Variants in ERBB4 observed in about 807,000 individuals in gnomAD.
The protein encoded by ERBB4 is receptor tyrosine-protein kinase erbB-4.
ERBB4 carries 42 observed loss-of-function variants against 158.0 expected under a neutral mutation model. The ratio of observed to expected loss-of-function variants is 0.27; its 90% CI spans 0.21 to 0.34. The LOEUF (loss-of-function observed/expected upper bound fraction) is 0.34. Among genes scored for constraint, ERBB4 ranks in the 10% least tolerant of loss-of-function variants. The pLI, the probability that ERBB4 is intolerant of heterozygous loss-of-function variation, is 1.00. For synonymous variants in ERBB4, 583 were observed against 558.7 expected, an observed-to-expected ratio of 1.04 and a Z score of -0.61; for missense variants, 1,333 against 1,624.1, an observed-to-expected ratio of 0.82 and a Z score of 3.08.
intron 2 of ERBB4, among the ~76,000 whole-genome samples, chr2:212,120,002 T>G (rs140946609): frequency 2.6e-5 from 4 of 152,302 alleles, no homozygotes; most frequent in Non-Finnish European, 4.4e-5. Flanking sequence ...ACAATCTTTT[T>G]CTAGTTTAAG....
chr2:211,646,324 A>C (rs2105869020), intron 16 of ERBB4, among the ~76,000 whole-genome samples: 1 of 151,666 alleles, frequency 6.6e-6, no homozygotes, highest in Admixed American at 6.6e-5. Flanking sequence ...AAAAACAGAA[A>C]GAGGGAAAAA....
chr2:211,431,097 T>C lies in ERBB4; in HGVS notation c.2491A>G (p.Met831Val). 6.2e-7 allele frequency: 1 copy of C among 1,613,262 alleles called. No individual in the cohort carries two copies. Among genetic ancestry groups the C allele is most frequent in the East Asian group, 2.2e-5 (1 of 44,866 alleles). Residue 831 changes from methionine to valine, a missense_variant, in exon 21 of 28, where the codon ATG (methionine) becomes GTG (valine). By Grantham distance (21) the Met-to-Val change is conservative. Coordinates refer to ENST00000342788, the MANE Select transcript of ERBB4 (RefSeq NM_005235.3). ...AGTCGTCTTTCTTCCAGGTACATCA[T>C]TCCCTGAAAAATATCAAGTTCCTTA... ...LNWCVQIAKGMMYLEERRLVH... is the reference protein window; with the variant it reads ...LNWCVQIAKGVMYLEERRLVH...
chr2:211,658,077 C>A, intron 15 of ERBB4: 1 of 980,944 alleles, frequency 1.0e-6, no homozygotes, highest in Non-Finnish European at 1.5e-6. Flanking sequence ...TTGATTGTCT[C>A]GAATTCTTAT....
chr2:211,893,362 GAA>G (rs1428440762), intron 3 of ERBB4, among the ~76,000 whole-genome samples: 1 of 143,534 alleles, frequency 7.0e-6, no homozygotes, highest in Admixed American at 6.8e-5. Context: ...GCCATATGTA[GAA>G]AGCTGAAACT....
intron 2 of ERBB4, among the ~76,000 whole-genome samples, chr2:212,033,385 C>G (rs1457615449): frequency 6.6e-6 from 1 of 151,546 alleles, no homozygotes; most frequent in East Asian, 1.9e-4. Context: ...CTCAAGGCAA[C>G]CAAAATAATA....
chr2:211,954,100 T>C (rs1336524491), intron 2 of ERBB4, among the ~76,000 whole-genome samples: 1 of 152,046 alleles, frequency 6.6e-6, no homozygotes, highest in Non-Finnish European at 1.5e-5. Flanking sequence ...TTAATAGCTA[T>C]TAATTTTTCT....
intron 1 of ERBB4, among the ~76,000 whole-genome samples, chr2:212,470,892 T>A (rs1172015506): frequency 6.6e-6 from 1 of 152,082 alleles, no homozygotes; most frequent in Non-Finnish European, 1.5e-5. Flanking sequence ...AAGCTATCAA[T>A]TAACATGTAA....
At chr2:212,057,386 AC>A (rs1209611912) in intron 2 of ERBB4, among the ~76,000 whole-genome samples, 2 of 152,164 alleles carry the variant, frequency 1.3e-5, no homozygotes, top group African/African-American at 2.4e-5. Context: ...CAGAAAGTTA[AC>A]AAGGGTAACC....
chr2:211,895,786 G>A (rs1038400835), intron 3 of ERBB4, among the ~76,000 whole-genome samples: 8 of 151,994 alleles, frequency 5.3e-5, no homozygotes, highest in Non-Finnish European at 8.8e-5. Flanking sequence ...GAAATCTATC[G>A]TAATCTGGCA....
intron 1 of ERBB4, among the ~76,000 whole-genome samples, chr2:212,410,646 T>C (rs2091469790): frequency 6.6e-6 from 1 of 152,094 alleles, no homozygotes; most frequent in Non-Finnish European, 1.5e-5. Flanking sequence ...ATTTTGTGAA[T>C]GTTTTTCAAA....
chr2:211,606,782 GAGTAT>G (rs1219853933), intron 19 of ERBB4, among the ~76,000 whole-genome samples: 1 of 152,166 alleles, frequency 6.6e-6, no homozygotes, highest in Non-Finnish European at 1.5e-5. Flanking sequence ...TCTTTCGTAA[GAGTAT>G]AGTAGCACAT....
chr2:211,849,165 C>T lies in ERBB4; in HGVS notation c.422-61006G>A, dbSNP rs147378860. Among the ~76,000 whole-genome samples, 23 of 151,794 alleles carry T rather than the reference C, an allele frequency of 1.5e-4. No homozygotes were observed. In the East Asian group the frequency reaches 3.9e-3, roughly 26 times the overall value. On this transcript the variant is annotated intron_variant, in intron 3 of 27. Coordinates refer to ENST00000342788, the MANE Select transcript of ERBB4 (RefSeq NM_005235.3). The stretch of plus-strand genomic sequence containing the variant: ...GAAGACATATTTTCCTGATAGATAT[C>T]AACATGAAAAAGTATTATGACTAGA...
At chr2:212,261,103 G>A (rs2084928691) in intron 1 of ERBB4, among the ~76,000 whole-genome samples, 1 of 152,136 alleles carries the variant, frequency 6.6e-6, no homozygotes, top group Non-Finnish European at 1.5e-5. Context: ...CTCCCTGCAA[G>A]ATGAGAAGTC....
intron 24 of ERBB4, 68 bp downstream of exon 24, chr2:211,421,939 G>A (rs967154382): frequency 1.1e-5 from 10 of 928,908 alleles, no homozygotes; most frequent in Admixed American, 1.0e-4. Flanking sequence ...CCAAAGTCCT[G>A]ATACTACTCA....
intron 1 of ERBB4, among the ~76,000 whole-genome samples, chr2:212,381,592 T>C (rs1309597377): frequency 3.3e-5 from 5 of 151,478 alleles, no homozygotes; most frequent in African/African-American, 1.2e-4. Flanking sequence ...TGAGTTAAAA[T>C]TGGGCTCTCT....
chr2:212,175,269 A>G (rs755440087), intron 1 of ERBB4, among the ~76,000 whole-genome samples: 1 of 152,066 alleles, frequency 6.6e-6, no homozygotes, highest in Non-Finnish European at 1.5e-5. Context: ...GAATGAATGA[A>G]GCTCACTTCT....
At chr2:212,248,427 G>A (rs2084393306) in intron 1 of ERBB4, among the ~76,000 whole-genome samples, 1 of 152,096 alleles carries the variant, frequency 6.6e-6, no homozygotes, top group South Asian at 2.1e-4. Context: ...TTTATGGCAT[G>A]GCTATAATAA....
chr2:212,236,793 C>T (rs2083894859), intron 1 of ERBB4, among the ~76,000 whole-genome samples: 1 of 152,166 alleles, frequency 6.6e-6, no homozygotes, highest in African/African-American at 2.4e-5. Context: ...GTTTGTATTT[C>T]TGTGGGATCA....
intron 2 of ERBB4, among the ~76,000 whole-genome samples, chr2:212,048,969 G>A (rs1000680609): frequency 2.6e-5 from 4 of 152,190 alleles, no homozygotes; most frequent in Non-Finnish European, 4.4e-5. Flanking sequence ...GAGCTGATAC[G>A]AGAGTGCAAT....
Sources: allele counts gnomAD v4.1 joint callset (sites outside exome capture counted in the v4.1 genomes callset), GRCh38; gene constraint gnomAD v4.1.1; transcripts MANE v1.5; gene names NCBI Gene and HGNC (gene_info 2026-07-23, HGNC 2026-07-21).